CGGBP1: variants seen among roughly 807,000 people sequenced by gnomAD.
CGGBP1 encodes the protein CGG triplet repeat binding protein 1.
In CGGBP1, 4 loss-of-function variants were observed where a neutral mutation model predicts 11.4. The observed-to-expected ratio is 0.35, with a 90% CI of 0.17 to 0.80. The LOEUF (loss-of-function observed/expected upper bound fraction) is 0.80. Among genes scored for constraint, CGGBP1 ranks in the 30% least tolerant of loss-of-function variants. CGGBP1 has a pLI of 0.52. For missense variants in CGGBP1, 135 were observed against 202.1 expected (o/e 0.67, Z 2.01); for synonymous variants, 76 against 74.1 (o/e 1.03, Z -0.13).
upstream of CGGBP1, among the ~76,000 whole-genome samples, chr3:88,063,199 T>G (rs1025132191): frequency 6.6e-6 from 1 of 152,208 alleles, no homozygotes; most frequent in African/African-American, 2.4e-5. Flanking sequence ...GTGCACAGGA[T>G]GGCTCTAACA....
chr3:88,119,210 A>G (rs1300568337), intron 2 of CGGBP1, among the ~76,000 whole-genome samples: 1 of 148,528 alleles, frequency 6.7e-6, no homozygotes, highest in Non-Finnish European at 1.5e-5. Flanking sequence ...CAGCCATAAA[A>G]AATGATGAGT....
intron 2 of CGGBP1, among the ~76,000 whole-genome samples, chr3:88,124,536 T>C (rs1485843124): frequency 6.6e-6 from 1 of 152,238 alleles, no homozygotes; most frequent in Non-Finnish European, 1.5e-5. Context: ...TATAAATCAC[T>C]TTATAATCTC....
At chr3:88,113,694 T>G (rs1015692607) in intron 2 of CGGBP1, among the ~76,000 whole-genome samples, 2 of 152,212 alleles carry the variant, frequency 1.3e-5, no homozygotes, top group African/African-American at 4.8e-5. Flanking sequence ...AGACATTTGA[T>G]CTTTTTACTA....
intron 2 of CGGBP1, among the ~76,000 whole-genome samples, chr3:88,071,327 T>C (rs1480469260): frequency 1.3e-5 from 2 of 151,566 alleles, no homozygotes; most frequent in Non-Finnish European, 2.9e-5. Flanking sequence ...CTGGCCAACA[T>C]GGTGAAACCC....
chr3:88,066,580 A>G (rs1266778884), intron 2 of CGGBP1, among the ~76,000 whole-genome samples: 1 of 147,432 alleles, frequency 6.8e-6, no homozygotes, highest in East Asian at 2.0e-4. Flanking sequence ...ACAAACAAAC[A>G]AAAAAAACAA....
At position 88,064,109 on chromosome 3, in the gene CGGBP1, C is replaced by CTTT. The variant is rs34753092; in HGVS notation, c.-228-5889_-228-5887dup. Among the ~76,000 whole-genome samples, 10 of 147,960 alleles carry CTTT rather than the reference C, an allele frequency of 6.8e-5. 2 individuals carry two copies. The highest frequency in any genetic ancestry group is 8.9e-5 in the Non-Finnish European group (6 of 67,040). ...GATATTATTGAATAACGAGCTTCTT[C>CTTT]TTTTTTTTTTTTTTGCCACAGCTTA... On this transcript the variant is annotated intron_variant, in intron 2 of 3. Coordinates refer to the CGGBP1 transcript ENST00000462901.
chr3:88,073,317 G>A (rs1052930874), intron 2 of CGGBP1, among the ~76,000 whole-genome samples: 7 of 152,092 alleles, frequency 4.6e-5, no homozygotes, highest in Non-Finnish European at 1.0e-4. Context: ...AAAAAGAATT[G>A]GTAGATAATA....
chr3:88,119,687 C>A (rs1576318580), intron 2 of CGGBP1, among the ~76,000 whole-genome samples: 1 of 152,040 alleles, frequency 6.6e-6, no homozygotes, highest in Non-Finnish European at 1.5e-5. Flanking sequence ...TGTATGCAAA[C>A]CTGTGCTCAA....
intron 2 of CGGBP1, among the ~76,000 whole-genome samples, chr3:88,137,819 G>A (rs1482463014): frequency 2.6e-5 from 4 of 152,062 alleles, no homozygotes; most frequent in Admixed American, 2.6e-4. Flanking sequence ...GCATGTAAAG[G>A]ACTAAGAAAA....
At chr3:88,094,261 T>C (rs1333267225) in intron 2 of CGGBP1, among the ~76,000 whole-genome samples, 1 of 152,164 alleles carries the variant, frequency 6.6e-6, no homozygotes, top group Non-Finnish European at 1.5e-5. Flanking sequence ...TTTGTTTGTA[T>C]TGGCCATCGT....
chr3:88,102,704 A>T (rs888355988), intron 2 of CGGBP1, among the ~76,000 whole-genome samples: 4 of 152,034 alleles, frequency 2.6e-5, no homozygotes, highest in Admixed American at 1.3e-4. Context: ...CAAAACCCAT[A>T]TTCAGTTTAA....
At chr3:88,095,829 T>C (rs2107694845) in intron 2 of CGGBP1, 1 of 457,094 alleles carries the variant, frequency 2.2e-6, no homozygotes, top group Non-Finnish European at 4.2e-6. Flanking sequence ...TTCCCAAGTA[T>C]TGTGCTCCTC....
chr3:88,059,290 G>C, upstream of CGGBP1: 1 of 1,531,858 alleles, frequency 6.5e-7, no homozygotes, highest in East Asian at 2.5e-5. Flanking sequence ...GCGGCGCAGG[G>C]GCTGGTACGC....
intron 2 of CGGBP1, among the ~76,000 whole-genome samples, chr3:88,093,076 A>T (rs971114955): frequency 6.6e-6 from 1 of 152,214 alleles, no homozygotes; most frequent in Admixed American, 6.5e-5. Flanking sequence ...TTTTCTGAAG[A>T]AACAGAGATT....
chr3:88,098,225 A>G (rs1164247900), intron 2 of CGGBP1, among the ~76,000 whole-genome samples: 1 of 152,228 alleles, frequency 6.6e-6, no homozygotes, highest in Non-Finnish European at 1.5e-5. Context: ...AAACTAGAAA[A>G]TCTAGAAGAA....
intron 2 of CGGBP1, among the ~76,000 whole-genome samples, chr3:88,091,231 C>T (rs193032341): frequency 6.6e-6 from 1 of 152,196 alleles, no homozygotes; most frequent in Admixed American, 6.5e-5. Context: ...GCTGCCCCAT[C>T]AGAACCACAG....
intron 2 of CGGBP1, among the ~76,000 whole-genome samples, chr3:88,099,950 C>T (rs1038895797): frequency 6.6e-5 from 10 of 152,144 alleles, no homozygotes; most frequent in Non-Finnish European, 1.5e-4. Flanking sequence ...AAGGCAATGG[C>T]AACAAAAGCC....
intron 2 of CGGBP1, among the ~76,000 whole-genome samples, chr3:88,117,928 A>T (rs1278329740): frequency 7.9e-6 from 1 of 127,202 alleles, no homozygotes; most frequent in Non-Finnish European, 1.7e-5. Context: ...TACCAGTACT[A>T]TTGCCCAATA....
At chr3:88,142,429 G>A (rs1375287837) in intron 1 of CGGBP1, 2 of 152,322 alleles carry the variant, frequency 1.3e-5, no homozygotes, top group East Asian at 3.8e-4. Context: ...AGTACTCTGG[G>A]GAGAGATGAA....
Sources: allele counts gnomAD v4.1 joint callset (sites outside exome capture counted in the v4.1 genomes callset), GRCh38; gene constraint gnomAD v4.1.1; transcripts MANE v1.5; gene names NCBI Gene and HGNC (gene_info 2026-07-23, HGNC 2026-07-21).